MTUS2: variants seen among roughly 807,000 people sequenced by gnomAD.
The protein encoded by MTUS2 is microtubule-associated tumor suppressor candidate 2.
In MTUS2, 40 loss-of-function variants were observed where a neutral mutation model predicts 114.1. That is an observed-to-expected ratio of 0.35 (90% CI 0.27 to 0.46). The LOEUF (loss-of-function observed/expected upper bound fraction) is 0.46, where lower values mean the gene tolerates loss of function less well. Ranked by LOEUF, MTUS2 falls within the 20% of genes least tolerant of loss-of-function variation. MTUS2 has a pLI of 1.00. For missense variants in MTUS2, 1,679 were observed against 1,705.4 expected, an observed-to-expected ratio of 0.98 and a Z score of 0.27; for synonymous variants, 688 against 672.0, an observed-to-expected ratio of 1.02 and a Z score of -0.37.
At chr13:28,838,416 G>A (rs1875238346) in intron 1 of MTUS2, among the ~76,000 whole-genome samples, 1 of 152,160 alleles carries the variant, frequency 6.6e-6, no homozygotes, top group Admixed American at 6.5e-5. Flanking sequence ...GTTGTGGTAG[G>A]TCCTAAAATA....
At chr13:29,058,666 A>C in intron 4 of MTUS2, among the ~76,000 whole-genome samples, 1 of 146,898 alleles carries the variant, frequency 6.8e-6, no homozygotes, top group African/African-American at 2.5e-5. Flanking sequence ...GCACCCAGTA[A>C]CTCGTCATTT....
chr13:29,011,684 C>T (rs909506274), intron 2 of MTUS2, among the ~76,000 whole-genome samples: 3 of 151,972 alleles, frequency 2.0e-5, no homozygotes, highest in African/African-American at 7.3e-5. Flanking sequence ...TAATATATTC[C>T]AAGCCTGCTG....
chr13:29,175,145 G>C (rs191553710), intron 5 of MTUS2, among the ~76,000 whole-genome samples: 24 of 152,204 alleles, frequency 1.6e-4, no homozygotes, highest in Admixed American at 2.6e-4. Flanking sequence ...TTACAAGCTG[G>C]AAGTAATTTA....
At chr13:28,923,763 G>A (rs919089346) in intron 2 of MTUS2, among the ~76,000 whole-genome samples, 1 of 152,166 alleles carries the variant, frequency 6.6e-6, no homozygotes, top group East Asian at 1.9e-4. Flanking sequence ...TAGTTCACTT[G>A]TGATGAGCTC....
chr13:29,026,809 A>C lies in MTUS2; in HGVS notation c.2111A>C (p.Gln704Pro). The C allele has an allele frequency of 1.2e-6, 2 of 1,612,718 alleles. No homozygotes were observed. The highest frequency in any genetic ancestry group is 1.7e-6 in the Non-Finnish European group (2 of 1,179,888). Residue 704 changes from glutamine (Q) to proline (P), a missense_variant, in exon 3 of 16, where the codon CAG becomes CCG. Physicochemically the swap from Gln to Pro is moderately conservative, Grantham distance 76 (BLOSUM62 -1). Transcript: ENST00000612955. ...TATGAGAAATTCAAGCCAGACCTGC[A>C]GAAGCCAAGGGTCTTCAGTTCCGGA... is the stretch of plus-strand genomic sequence containing the variant. ...NLYEKFKPDL[Q>P]KPRVFSSGLM...
intron 4 of MTUS2, among the ~76,000 whole-genome samples, chr13:29,094,259 T>G (rs1890085045): frequency 6.6e-6 from 1 of 152,114 alleles, no homozygotes; most frequent in Non-Finnish European, 1.5e-5. Context: ...GGGGGTGTAA[T>G]TTGTGAATAA....
intron 2 of MTUS2, among the ~76,000 whole-genome samples, chr13:28,921,326 A>G (rs934284472): frequency 6.6e-6 from 1 of 152,108 alleles, no homozygotes; most frequent in Admixed American, 6.5e-5. Flanking sequence ...CTGTCTCTAG[A>G]AATGTCTGTT....
intron 5 of MTUS2, among the ~76,000 whole-genome samples, chr13:29,225,857 G>A (rs1299915602): frequency 7.2e-5 from 11 of 152,240 alleles, no homozygotes; most frequent in Non-Finnish European, 1.6e-4. Context: ...ACCATACTCT[G>A]TGTAATTTTT....
chr13:29,458,212 C>T (rs1879254803), intron 9 of MTUS2, among the ~76,000 whole-genome samples: 1 of 152,196 alleles, frequency 6.6e-6, no homozygotes, highest in Non-Finnish European at 1.5e-5. Context: ...CCACCTGGCC[C>T]ACCTCACTCC....
chr13:28,988,046 G>C (rs1299152150), intron 2 of MTUS2, among the ~76,000 whole-genome samples: 1 of 152,136 alleles, frequency 6.6e-6, no homozygotes, highest in Non-Finnish European at 1.5e-5. Flanking sequence ...GAGGGACCCA[G>C]GTAGCAGAAT....
intron 8 of MTUS2, among the ~76,000 whole-genome samples, chr13:29,426,454 A>G (rs1876536531): frequency 6.6e-6 from 1 of 152,358 alleles, no homozygotes; most frequent in South Asian, 2.1e-4. Flanking sequence ...AACAGTCTGT[A>G]TATTCGCATT....
rs1472737739 is a variant in MTUS2, at chr13:29,389,523, ATATATGTATACACGTGTG to A, written c.3117+30076_3117+30093del. ...TATGTATACACGTGTGTGTATGTGT[ATATATGTATACACGTGTG>A]TATATGTATACACGTGTGTATATGT... is the stretch of plus-strand genomic sequence containing the variant. On this transcript the variant is annotated intron_variant, in intron 8 of 15. Coordinates refer to ENST00000612955, the MANE Select transcript of MTUS2 (RefSeq NM_001033602.4). Among the ~76,000 whole-genome samples the A allele has an allele frequency of 1.2e-3, 36 of 29,578 alleles. 6 individuals are homozygous for A. Among genetic ancestry groups the A allele is most frequent in the African/African-American group, 2.3e-3 (36 of 15,892 alleles). 19.4% of individuals were successfully genotyped at this position (29,578 alleles called of 152,430 possible).
intron 5 of MTUS2, among the ~76,000 whole-genome samples, chr13:29,267,879 G>T (rs1172647673): frequency 6.6e-6 from 1 of 152,208 alleles, no homozygotes; most frequent in African/African-American, 2.4e-5. Flanking sequence ...GGAAGTGGGG[G>T]TGCTCAGAAG....
intron 5 of MTUS2, among the ~76,000 whole-genome samples, chr13:29,195,728 G>C (rs974064185): frequency 6.6e-6 from 1 of 152,138 alleles, no homozygotes; most frequent in Non-Finnish European, 1.5e-5. Context: ...GCTGAGGCCA[G>C]GGTTGTTGTT....
intron 5 of MTUS2, among the ~76,000 whole-genome samples, chr13:29,275,185 A>C (rs1898018155): frequency 6.6e-6 from 1 of 152,016 alleles, no homozygotes; most frequent in Non-Finnish European, 1.5e-5. Flanking sequence ...CTTCTTCTTA[A>C]GTTTTATTGT....
At chr13:28,942,939 G>A (rs955060460) in intron 2 of MTUS2, among the ~76,000 whole-genome samples, 41 of 152,014 alleles carry the variant, frequency 2.7e-4, no homozygotes, top group African/African-American at 7.5e-4. Flanking sequence ...TCATTTTTCT[G>A]TATATTTTAA....
chr13:28,957,927 G>A (rs1025850109), intron 2 of MTUS2, among the ~76,000 whole-genome samples: 2 of 152,184 alleles, frequency 1.3e-5, no homozygotes, highest in African/African-American at 4.8e-5. Context: ...GATAGGCATG[G>A]GATAGGAGAC....
chr13:29,317,764 G>T (rs1250206187), intron 6 of MTUS2, among the ~76,000 whole-genome samples: 2 of 152,048 alleles, frequency 1.3e-5, no homozygotes, highest in African/African-American at 4.8e-5. Flanking sequence ...AACTCATCCA[G>T]GTTTCCTCTT....
chr13:29,323,913 C>T (rs1900366024), intron 6 of MTUS2, among the ~76,000 whole-genome samples: 1 of 152,192 alleles, frequency 6.6e-6, no homozygotes, highest in Non-Finnish European at 1.5e-5. Context: ...TCGCTAATCT[C>T]ACATCCACTG....
Sources: gnomAD v4.1 joint callset for allele counts (sites outside exome capture counted in the v4.1 genomes callset) on GRCh38, gnomAD v4.1.1 for gene constraint, MANE v1.5 for transcripts, NCBI Gene and HGNC (gene_info 2026-07-23, HGNC 2026-07-21) for gene names.